TBC1D16: variants seen among roughly 807,000 people sequenced by gnomAD.
TBC1D16 encodes the protein TBC1 domain family member 16.
In TBC1D16, 58 loss-of-function variants were observed where a neutral mutation model predicts 74.7. That is an observed-to-expected ratio of 0.78 (90% CI 0.63 to 0.97). TBC1D16 has a LOEUF of 0.97. Ranked by LOEUF, TBC1D16 falls within the 50% of genes least tolerant of loss-of-function variation. TBC1D16 has a pLI of 0.00. For missense variants in TBC1D16, 1,014 were observed against 1,079.5 expected (o/e 0.94, Z 0.85); for synonymous variants, 493 against 474.7 (o/e 1.04, Z -0.50).
chr17:79,939,269 G>A lies in TBC1D16; in HGVS notation c.*1590C>T, dbSNP rs572055459. On this transcript the variant is annotated 3_prime_UTR_variant, in exon 12 of 12. Coordinates refer to ENST00000310924, the MANE Select transcript of TBC1D16 (RefSeq NM_019020.4). ...CTGGGCACTGATGGGGCTCCAGGACGGTCTCCTCAAAAGGCTCTTAGGCAG... is the reference window on the plus strand; with the variant it reads ...CTGGGCACTGATGGGGCTCCAGGACAGTCTCCTCAAAAGGCTCTTAGGCAG... The A allele has an allele frequency of 2.6e-5, 4 of 152,332 alleles. No individual in the cohort carries two copies. Among genetic ancestry groups the A allele is most frequent in the South Asian group, 2.1e-4 (1 of 4,826 alleles). The allele number at this position is 152,332 out of a possible 1,614,324, so 9.4% of individuals were successfully genotyped here. A position where few individuals can be genotyped will look rare whatever the true frequency, so the allele number is the denominator to read the frequency against.
chr17:79,940,532 G>A lies in TBC1D16; in HGVS notation c.*327C>T, dbSNP rs1359840403. On this transcript the variant is annotated 3_prime_UTR_variant, in exon 12 of 12. Coordinates refer to ENST00000310924, the MANE Select transcript of TBC1D16 (RefSeq NM_019020.4). The surrounding 1 kb of genome is among the most constrained non-coding windows in gnomAD (Gnocchi z 5.4). ...GCGACGCTGTCTGGCTGCCCTCGAG[G>A]GTGGAGCAAATCCTGGGACATGTTG... 1.3e-5 allele frequency: 3 copies of A among 232,230 alleles called. No individual in the cohort carries two copies. Among genetic ancestry groups the A allele is most frequent in the Non-Finnish European group, 2.5e-5 (3 of 119,896 alleles). The allele number at this position is 232,230 out of a possible 1,614,324, so 14.4% of individuals were successfully genotyped here.
chr17:80,022,354 A>G (rs747260860), intron 1 of TBC1D16, among the ~76,000 whole-genome samples: 1 of 149,754 alleles, frequency 6.7e-6, no homozygotes, highest in Non-Finnish European at 1.5e-5. Context: ...TTATTTAGAG[A>G]CAGAGTTTCT....
intron 1 of TBC1D16, among the ~76,000 whole-genome samples, chr17:80,015,246 A>G (rs1012000096): frequency 2.6e-5 from 4 of 152,068 alleles, no homozygotes; most frequent in African/African-American, 9.7e-5. Flanking sequence ...CCTGGCCAAC[A>G]TGGCAAAACC....
In TBC1D16 at chr17:79,985,918, G is replaced by A. The variant is rs935395009; in HGVS notation, c.779+24242C>T. 2.0e-5 allele frequency among the ~76,000 whole-genome samples: 3 copies of A among 152,122 alleles called. No individual in the cohort carries two copies. The highest frequency in any genetic ancestry group is 2.9e-5 in the Non-Finnish European group (2 of 68,026). On this transcript the variant is annotated intron_variant, in intron 3 of 11. Transcript: ENST00000310924. The surrounding 1 kb of genome is among the most constrained non-coding windows in gnomAD (Gnocchi z 4.9). ...CCCTCTGCTACTACCAAACTCTCCC[G>A]GCAAAGCTTAATTTAAATAAGAAAG...
chr17:80,026,779 G>A (rs896705563), intron 1 of TBC1D16, among the ~76,000 whole-genome samples: 21 of 149,928 alleles, frequency 1.4e-4, no homozygotes, highest in South Asian at 6.3e-4. Context: ...GGAGTCCTGC[G>A]GGGTTTGAGG....
In TBC1D16 at chr17:80,026,401, G is replaced by C. The variant is rs1458733152; in HGVS notation, c.-63+9394C>G. Among the ~76,000 whole-genome samples the C allele has an allele frequency of 2.0e-5, 3 of 150,148 alleles. 1 individual carries two copies. Among genetic ancestry groups the C allele is most frequent in the African/African-American group, 7.6e-5 (3 of 39,548 alleles). ...GATTGTGCCACTGCACTCCAGCCTG[G>C]GTGACAGAGGGAGACTCTCTCTCCA... On this transcript the variant is annotated intron_variant, in intron 1 of 11. Coordinates refer to ENST00000310924, the MANE Select transcript of TBC1D16 (RefSeq NM_019020.4).
intron 3 of TBC1D16, among the ~76,000 whole-genome samples, chr17:79,958,497 C>T (rs537255640): frequency 6.6e-6 from 1 of 152,290 alleles, no homozygotes; most frequent in South Asian, 2.1e-4. Flanking sequence ...GGATCACAGG[C>T]GTGAGCCACC....
intron 3 of TBC1D16, among the ~76,000 whole-genome samples, chr17:79,970,805 C>G (rs537104851): frequency 6.9e-6 from 1 of 145,114 alleles, no homozygotes; most frequent in Non-Finnish European, 1.5e-5. Context: ...ATAAGCTAAG[C>G]ACATCAGAGA....
chr17:80,025,579 GCCGCCTGCTGGGAGCAC>G (rs1170414921), intron 1 of TBC1D16, among the ~76,000 whole-genome samples: 1 of 119,722 alleles, frequency 8.4e-6, no homozygotes, highest in Non-Finnish European at 2.0e-5. Context: ...GCTGGGAGCA[GCCGCCTGCTGGGAGCAC>G]CTCCTTGCTG....
intron 1 of TBC1D16, among the ~76,000 whole-genome samples, chr17:80,014,288 C>T (rs1302629430): frequency 6.6e-6 from 1 of 151,962 alleles, no homozygotes; most frequent in Admixed American, 6.5e-5. Context: ...ACCCAAGAGG[C>T]GGAGGGTGCA....
Position 80,010,512 on chromosome 17 carries a change from C to G in TBC1D16, c.427G>C (p.Val143Leu). The change falls in exon 3 of 12, where the codon GTG becomes CTG. Residue 143 changes from valine (V) to leucine (L), a missense_variant. Val to Leu is a conservative substitution (Grantham distance 32). Transcript: ENST00000310924. The surrounding 1 kb of genome is among the most constrained non-coding windows in gnomAD (Gnocchi z 8.8). ...TLTPKDEDIL[V>L]VAQSVPDRML... ...CGGTCTGGAACACTCTGGGCCACCA[C>G]CAGGATGTCCTCATCTTTGGGGGTC... The G allele has an allele frequency of 5.0e-6, 8 of 1,611,190 alleles. No individual in the cohort carries two copies. The highest frequency in any genetic ancestry group is 6.8e-6 in the Non-Finnish European group (8 of 1,178,946).
chr17:79,989,968 C>T (rs1473434228), intron 3 of TBC1D16, among the ~76,000 whole-genome samples: 1 of 152,182 alleles, frequency 6.6e-6, no homozygotes, highest in Admixed American at 6.5e-5. Flanking sequence ...GGCCTGTGTG[C>T]AGCATCCATG....
rs1388796226 is a variant in TBC1D16 at position 79,933,961 on chromosome 17, C to G, written c.*6898G>C. On this transcript the variant is annotated 3_prime_UTR_variant, in exon 12 of 12. Transcript: ENST00000310924. ...AGAAGGACCCCAGAGAACTTCCCCT[C>G]TGGAGCCTGTGCGGCTGGTTGAGTG... The G allele has an allele frequency of 6.6e-6, 1 of 152,338 alleles. No individual in the cohort carries two copies. The highest frequency in any genetic ancestry group is 1.9e-4 in the East Asian group (1 of 5,188). The allele number at this position is 152,338 out of a possible 1,614,324, so 9.4% of individuals were successfully genotyped here. A position where few individuals can be genotyped will look rare whatever the true frequency, so the allele number is the denominator to read the frequency against.
chr17:79,950,293 C>A lies in TBC1D16; in HGVS notation c.1257+118G>T, dbSNP rs2032940106. On this transcript the variant is annotated intron_variant, in intron 6 of 11. Transcript: ENST00000310924. This position sits in a 1 kb window ranked among gnomAD's most constrained non-coding sequence, Gnocchi z 4.6. ...CTCACACAAGAAAACGGGGCCCTCA[C>A]GAGGAGGTGGCCCGTGGGTGCGGGC... 8.4e-7 allele frequency: 1 copy of A among 1,185,476 alleles called. No homozygotes were observed. The allele number at this position is 1,185,476 out of a possible 1,614,324, so 73.4% of individuals were successfully genotyped here. A position where few individuals can be genotyped will look rare whatever the true frequency, so the allele number is the denominator to read the frequency against.
intron 8 of TBC1D16, among the ~76,000 whole-genome samples, chr17:79,948,523 G>A (rs1467131476): frequency 6.6e-6 from 1 of 152,102 alleles, no homozygotes; most frequent in Non-Finnish European, 1.5e-5. Context: ...CCAGCCTCTG[G>A]CTCTGTGTGG....
In TBC1D16 at chr17:79,994,111, T is replaced by C. The variant is rs1473344561; in HGVS notation, c.779+16049A>G. Among the ~76,000 whole-genome samples the C allele has an allele frequency of 6.6e-6, 1 of 152,004 alleles. No individual in the cohort carries two copies. The highest frequency in any genetic ancestry group is 2.4e-5 in the African/African-American group (1 of 41,370). ...ACTTATTTCCTCCCTGTCCTGACAG[T>C]TTTACTAGAAAGGTCAGCTTTTTAA... On this transcript the variant is annotated intron_variant, in intron 3 of 11. Transcript: ENST00000310924. This position sits in a 1 kb window ranked among gnomAD's most constrained non-coding sequence, Gnocchi z 4.6.
intron 1 of TBC1D16, among the ~76,000 whole-genome samples, chr17:80,019,753 T>C (rs927919729): frequency 2.7e-5 from 4 of 149,800 alleles, no homozygotes; most frequent in African/African-American, 7.6e-5. Flanking sequence ...AAGACATTTA[T>C]GTATTCTCTA....
rs1341753167 is a variant in TBC1D16, at chr17:80,009,882, GGCCTGTT to G, written c.779+271_779+277del. On this transcript the variant is annotated intron_variant, in intron 3 of 11. Transcript: ENST00000310924. The surrounding 1 kb of genome is among the most constrained non-coding windows in gnomAD (Gnocchi z 5.4). Reference sequence around the variant, plus strand: ...GTCATGGGCCCATCAGACCTGGTAGGGCCTGTTTAGTCCTAGTGAGTCTCAAGGAGAG... The same window carrying G: ...GTCATGGGCCCATCAGACCTGGTAGGTAGTCCTAGTGAGTCTCAAGGAGAG... Among the ~76,000 whole-genome samples the G allele has an allele frequency of 1.3e-5, 2 of 152,196 alleles. No homozygotes were observed. Among genetic ancestry groups the G allele is most frequent in the African/African-American group, 4.8e-5 (2 of 41,446 alleles).
In TBC1D16 at chr17:80,010,744, C is replaced by T; in HGVS notation, c.195G>A (p.Leu65=). ...CCAGCATCTCATCCTTCTCCATGTA[C>T]AAGCACAGGTAACCTGTGAGGAGCC... is the stretch of plus-strand genomic sequence containing the variant. ...LGEHHPGYLC[L]YMEKDEMLGA... is the part of the protein sequence containing the mutation. The change falls in exon 3 of 12, where the codon TTG becomes TTA. Residue 65 remains leucine (L), a synonymous_variant. Transcript: ENST00000310924. The surrounding 1 kb of genome is among the most constrained non-coding windows in gnomAD (Gnocchi z 8.8). The T allele has an allele frequency of 6.7e-7, 1 of 1,496,160 alleles. No homozygotes were observed. The highest frequency in any genetic ancestry group is 8.9e-7 in the Non-Finnish European group (1 of 1,125,238). 92.7% of individuals were successfully genotyped at this position (1,496,160 alleles called of 1,614,324 possible). A position where few individuals can be genotyped will look rare whatever the true frequency, so the allele number is the denominator to read the frequency against.
Sources: gnomAD v4.1 joint callset for allele counts (sites outside exome capture counted in the v4.1 genomes callset) on GRCh38, gnomAD v4.1.1 for gene constraint, Gnocchi (gnomAD v3.1) non-coding constraint, MANE v1.5 for transcripts, NCBI Gene and HGNC (gene_info 2026-07-23, HGNC 2026-07-21) for gene names.